Variants in EPHA6 observed in about 807,000 individuals in gnomAD.
EPHA6 encodes ephrin type-A receptor 6.
In EPHA6, 50 loss-of-function variants were observed where a neutral mutation model predicts 112.0. The ratio of observed to expected loss-of-function variants is 0.45; its 90% CI spans 0.36 to 0.56. EPHA6 has a LOEUF of 0.56. Ranked by LOEUF, EPHA6 falls within the 20% of genes least tolerant of loss-of-function variation. EPHA6 has a pLI of 0.00. For missense variants in EPHA6, 1,280 were observed against 1,417.4 expected (o/e 0.90, Z 1.56); for synonymous variants, 529 against 490.7 (o/e 1.08, Z -1.03).
At chr3:97,186,217 A>C (rs1213726509) in intron 3 of EPHA6, among the ~76,000 whole-genome samples, 1 of 152,082 alleles carries the variant, frequency 6.6e-6, no homozygotes, top group Non-Finnish European at 1.5e-5. Flanking sequence ...TATAATAAAA[A>C]AAAATGTCAT....
intron 7 of EPHA6, among the ~76,000 whole-genome samples, chr3:97,470,898 A>T (rs2091210589): frequency 6.6e-6 from 1 of 151,794 alleles, no homozygotes; most frequent in African/African-American, 2.4e-5. Flanking sequence ...TCAGTGAGTC[A>T]CAAATAAATT....
chr3:97,689,811 G>A (rs1010242364), intron 14 of EPHA6, among the ~76,000 whole-genome samples: 2 of 151,708 alleles, frequency 1.3e-5, no homozygotes, highest in Admixed American at 6.6e-5. Context: ...TCCCCTTCCC[G>A]CTCTTTCCCA....
chr3:97,526,492 G>A (rs2092622117), intron 10 of EPHA6, among the ~76,000 whole-genome samples: 1 of 149,242 alleles, frequency 6.7e-6, no homozygotes, highest in South Asian at 2.1e-4. Flanking sequence ...GTGGGGGGGT[G>A]AGAACCCCAA....
intron 3 of EPHA6, among the ~76,000 whole-genome samples, chr3:97,145,295 A>T (rs1159591511): frequency 6.6e-6 from 1 of 151,418 alleles, no homozygotes; most frequent in Non-Finnish European, 1.5e-5. Context: ...TCTGTTTATC[A>T]TACTTTATAT....
At chr3:97,021,688 CTCT>C (rs1326285346) in intron 3 of EPHA6, among the ~76,000 whole-genome samples, 4 of 152,312 alleles carry the variant, frequency 2.6e-5, no homozygotes, top group East Asian at 1.9e-4. Flanking sequence ...GTGCACTTGT[CTCT>C]TCTTCTTATC....
At chr3:97,305,963 C>A (rs1043591697) in intron 5 of EPHA6, among the ~76,000 whole-genome samples, 3 of 151,658 alleles carry the variant, frequency 2.0e-5, no homozygotes, top group African/African-American at 7.3e-5. Flanking sequence ...CATAAGCCAA[C>A]ACAAGCAAAG....
intron 1 of EPHA6, among the ~76,000 whole-genome samples, chr3:96,837,776 T>C (rs1195852076): frequency 6.6e-6 from 1 of 152,138 alleles, no homozygotes; most frequent in East Asian, 1.9e-4. Context: ...TATAAGGCAG[T>C]ATTTCATCTT....
chr3:96,823,331 C>T (rs929930517), intron 1 of EPHA6, among the ~76,000 whole-genome samples: 1 of 151,622 alleles, frequency 6.6e-6, no homozygotes, highest in African/African-American at 2.4e-5. Context: ...AAAACAGAGT[C>T]AGGAGAAAAG....
intron 2 of EPHA6, among the ~76,000 whole-genome samples, chr3:96,963,932 C>T (rs1214642453): frequency 6.6e-6 from 1 of 151,986 alleles, no homozygotes; most frequent in Non-Finnish European, 1.5e-5. Flanking sequence ...ATCCAAATCT[C>T]TAGAATGGTT....
intron 3 of EPHA6, among the ~76,000 whole-genome samples, chr3:96,992,695 T>G (rs1346299494): frequency 6.6e-6 from 1 of 152,216 alleles, no homozygotes; most frequent in East Asian, 1.9e-4. Flanking sequence ...CTTGTCCTGT[T>G]CTTTTGTAAC....
At chr3:96,956,883 A>G (rs1418644475) in intron 2 of EPHA6, among the ~76,000 whole-genome samples, 1 of 151,936 alleles carries the variant, frequency 6.6e-6, no homozygotes, top group Non-Finnish European at 1.5e-5. Context: ...AAATACAAAA[A>G]TTAGTTGGGT....
chr3:97,453,688 A>G (rs1418644602), intron 7 of EPHA6, among the ~76,000 whole-genome samples: 1 of 151,744 alleles, frequency 6.6e-6, no homozygotes, highest in East Asian at 1.9e-4. Context: ...GTAGATACAA[A>G]TGAATAAATG....
chr3:97,610,648 A>G, intron 12 of EPHA6, 145 bp from the exon 13 acceptor site: 1 of 680,264 alleles, frequency 1.5e-6, no homozygotes, highest in Non-Finnish European at 2.6e-6. Context: ...GTATAATATG[A>G]ATACGTTTAT....
intron 3 of EPHA6, among the ~76,000 whole-genome samples, chr3:97,032,514 A>G (rs1168524556): frequency 6.6e-6 from 1 of 151,064 alleles, no homozygotes; most frequent in East Asian, 2.0e-4. Context: ...AGATCCAAAT[A>G]TGAGTCACTA....
intron 14 of EPHA6, among the ~76,000 whole-genome samples, chr3:97,686,937 G>C (rs982153770): frequency 1.3e-5 from 2 of 152,064 alleles, no homozygotes; most frequent in African/African-American, 4.8e-5. Flanking sequence ...CATATTTTGT[G>C]GGGGGAAATT....
At chr3:96,931,151 G>A (rs549469567) in intron 2 of EPHA6, among the ~76,000 whole-genome samples, 22 of 152,178 alleles carry the variant, frequency 1.4e-4, no homozygotes, top group African/African-American at 5.3e-4. Context: ...CCAAGGTGGT[G>A]GCCTGCCCCA....
intron 2 of EPHA6, among the ~76,000 whole-genome samples, chr3:96,973,245 A>C (rs1206653340): frequency 6.6e-6 from 1 of 152,168 alleles, no homozygotes; most frequent in Non-Finnish European, 1.5e-5. Flanking sequence ...ATTTCCTATC[A>C]CTTCTAACAA....
intron 5 of EPHA6, among the ~76,000 whole-genome samples, chr3:97,253,003 G>A (rs903479103): frequency 1.3e-5 from 2 of 152,006 alleles, no homozygotes; most frequent in African/African-American, 2.4e-5. Context: ...TATGTAGTGG[G>A]AAAAAAAGAT....
chr3:97,424,371 AT>A (rs775040398), intron 6 of EPHA6, among the ~76,000 whole-genome samples: 212 of 152,238 alleles, frequency 1.4e-3, no homozygotes, highest in Non-Finnish European at 1.6e-3. Flanking sequence ...ATATCCACAC[AT>A]AACAAAATCA....
Sources: allele counts gnomAD v4.1 joint callset (sites outside exome capture counted in the v4.1 genomes callset), GRCh38; gene constraint gnomAD v4.1.1; transcripts MANE v1.5; gene names NCBI Gene and HGNC (gene_info 2026-07-23, HGNC 2026-07-21).